The following LRRC8D variants were observed in gnomAD, a reference collection of about 807,000 sequenced individuals.
LRRC8D encodes the protein leucine rich repeat containing 8 VRAC subunit D, also known as volume-regulated anion channel subunit LRRC8D.
In LRRC8D, 20 loss-of-function variants were observed where a neutral mutation model predicts 55.8. That is an observed-to-expected ratio of 0.36 (90% confidence interval 0.25 to 0.52). LRRC8D has a LOEUF of 0.52. LRRC8D is among the 20% of genes least tolerant of loss of function. The pLI is 0.93. For missense variants in LRRC8D, 651 were observed against 1,030.8 expected (o/e 0.63, Z 5.05); for synonymous variants, 352 against 377.0 (o/e 0.93, Z 0.77).
At chr1:89,895,098 G>A (rs936941396) in intron 2 of LRRC8D, among the ~76,000 whole-genome samples, 2 of 151,994 alleles carry the variant, frequency 1.3e-5, no homozygotes, top group Non-Finnish European at 2.9e-5. Context: ...CTTGTCTGAG[G>A]ACAGACAGGT....
intron 2 of LRRC8D, among the ~76,000 whole-genome samples, chr1:89,892,452 T>G (rs954385647): frequency 1.3e-5 from 2 of 152,212 alleles, no homozygotes; most frequent in Non-Finnish European, 1.5e-5. Context: ...CGCTTGGCAT[T>G]ATTTAGCACT....
intron 2 of LRRC8D, among the ~76,000 whole-genome samples, chr1:89,872,386 G>A (rs1662031074): frequency 6.6e-6 from 1 of 152,214 alleles, no homozygotes. Flanking sequence ...GGAAAGCAAA[G>A]GCAGTTGGTT....
At chr1:89,834,154 T>C (rs1375251044) in intron 1 of LRRC8D, among the ~76,000 whole-genome samples, 1 of 152,198 alleles carries the variant, frequency 6.6e-6, no homozygotes, top group African/African-American at 2.4e-5. Flanking sequence ...ATTGTGAAAT[T>C]TTCTTTATAA....
intron 2 of LRRC8D, among the ~76,000 whole-genome samples, chr1:89,854,529 A>G (rs1661503137): frequency 6.6e-6 from 1 of 152,250 alleles, no homozygotes; most frequent in South Asian, 2.1e-4. Context: ...CAGACTTAAC[A>G]TTAGGGAACT....
At chr1:89,875,886 T>G (rs904558589) in intron 2 of LRRC8D, among the ~76,000 whole-genome samples, 3 of 152,212 alleles carry the variant, frequency 2.0e-5, no homozygotes, top group African/African-American at 7.2e-5. Context: ...TCACAGCTAA[T>G]AATGAATGAA....
intron 2 of LRRC8D, among the ~76,000 whole-genome samples, chr1:89,880,164 T>C (rs901425214): frequency 4.0e-5 from 6 of 151,056 alleles, no homozygotes; most frequent in African/African-American, 1.5e-4. Flanking sequence ...AAATTTGATA[T>C]AGATGTGTAA....
chr1:89,925,832 T>C (rs149007930), intron 2 of LRRC8D, among the ~76,000 whole-genome samples: 28 of 152,330 alleles, frequency 1.8e-4, no homozygotes, highest in Non-Finnish European at 3.2e-4. Context: ...TCAAGTCCTG[T>C]GGCTGACATT....
rs190517844 is a variant in LRRC8D, at chr1:89,827,245, G to T, written c.-148+5954G>T. Among the ~76,000 whole-genome samples, 526 of 151,772 alleles carry T rather than the reference G, an allele frequency of 3.5e-3. 1 individual carries two copies. The highest frequency in any genetic ancestry group is 0.011 in the African/African-American group (455 of 41,312). On this transcript the variant is annotated intron_variant, in intron 1 of 2. Coordinates refer to ENST00000337338, the MANE Select transcript of LRRC8D (RefSeq NM_001134479.2). Reference sequence around the variant, plus strand: ...GGTGCCTGTAATCCCAGCTACTCGGGAAGTTGAGGCAGGAGAATCACTTGA... The same window carrying T: ...GGTGCCTGTAATCCCAGCTACTCGGTAAGTTGAGGCAGGAGAATCACTTGA...
In LRRC8D at chr1:89,871,168, C is replaced by T. The variant is rs567518459; in HGVS notation, c.-3+27386C>T. On this transcript the variant is annotated intron_variant, in intron 2 of 2. Transcript: ENST00000337338. ...CCACTGCTAGAAGGTACAGACTCCC[C>T]GCATTTAGTATGATGACTATCTTTG... Among the ~76,000 whole-genome samples the T allele has an allele frequency of 1.1e-4, 16 of 152,276 alleles. No individual in the cohort carries two copies. In the South Asian group the frequency reaches 2.1e-3, roughly 20 times the overall value.
At chr1:89,907,617 G>A (rs554512428) in intron 2 of LRRC8D, among the ~76,000 whole-genome samples, 5 of 152,222 alleles carry the variant, frequency 3.3e-5, no homozygotes, top group African/African-American at 1.2e-4. Context: ...AAGGGACATT[G>A]ATCAATTTGT....
intron 2 of LRRC8D, among the ~76,000 whole-genome samples, chr1:89,915,766 G>A (rs922681636): frequency 6.6e-6 from 1 of 152,278 alleles, no homozygotes; most frequent in South Asian, 2.1e-4. Context: ...AAATGCAGTG[G>A]CACCCTTGAC....
Position 89,881,699 on chromosome 1 carries a change from A to AAGGCATGATCATGCCTTTTCTT in LRRC8D, c.-3+37926_-3+37947dup, listed in dbSNP as rs571079241. On this transcript the variant is annotated intron_variant, in intron 2 of 2. Coordinates refer to ENST00000337338, the MANE Select transcript of LRRC8D (RefSeq NM_001134479.2). Reference sequence around the variant, plus strand: ...GGGCTCAAGACATGAATGGCCTGAAAAGGCATGATCATGCCTTTTCTTAGG... The same window carrying AAGGCATGATCATGCCTTTTCTT: ...GGGCTCAAGACATGAATGGCCTGAAAAGGCATGATCATGCCTTTTCTTAGGCATGATCATGCCTTTTCTTAGG... 5.0e-4 allele frequency among the ~76,000 whole-genome samples: 76 copies of AAGGCATGATCATGCCTTTTCTT among 152,262 alleles called. 1 individual carries two copies. In the East Asian group the frequency reaches 0.014, roughly 28 times the overall value.
At chr1:89,853,458 A>G (rs1255613885) in intron 2 of LRRC8D, among the ~76,000 whole-genome samples, 1 of 152,226 alleles carries the variant, frequency 6.6e-6, no homozygotes, top group South Asian at 2.1e-4. Flanking sequence ...AGGGATGGCC[A>G]AAGGATCAAA....
intron 2 of LRRC8D, among the ~76,000 whole-genome samples, chr1:89,903,041 A>G (rs74098628): frequency 0.014 from 2,103 of 152,314 alleles, 50 homozygotes; most frequent in African/African-American, 0.048. Flanking sequence ...ACAACCTCTG[A>G]GGTGAGTGCT....
chr1:89,899,086 G>T (rs1488925308), intron 2 of LRRC8D, among the ~76,000 whole-genome samples: 1 of 152,218 alleles, frequency 6.6e-6, no homozygotes, highest in East Asian at 1.9e-4. Flanking sequence ...CATTCTGGCT[G>T]CATACTACAG....
intron 2 of LRRC8D, among the ~76,000 whole-genome samples, chr1:89,924,840 C>G: frequency 6.6e-6 from 1 of 152,094 alleles, no homozygotes. Flanking sequence ...CACATGTTCT[C>G]ACTTATAAGT....
At chr1:89,915,471 C>T (rs912716593) in intron 2 of LRRC8D, among the ~76,000 whole-genome samples, 7 of 152,144 alleles carry the variant, frequency 4.6e-5, no homozygotes, top group African/African-American at 1.7e-4. Flanking sequence ...ATGATCACAT[C>T]GTAGATAGAT....
chr1:89,909,648 T>C (rs2816846), intron 2 of LRRC8D, among the ~76,000 whole-genome samples: 41,767 of 151,630 alleles, frequency 0.28, 6,285 homozygotes, highest in African/African-American at 0.39. Flanking sequence ...GGGCGGATCA[T>C]GAGGTCAGGA....
At chr1:89,883,747 CAT>C (rs1440414259) in intron 2 of LRRC8D, among the ~76,000 whole-genome samples, 4 of 152,316 alleles carry the variant, frequency 2.6e-5, no homozygotes, top group African/African-American at 9.6e-5. Flanking sequence ...GTATAATTGA[CAT>C]ATTGATGATC....
Sources: gnomAD v4.1 joint callset for allele counts (sites outside exome capture counted in the v4.1 genomes callset) on GRCh38, gnomAD v4.1.1 for gene constraint, MANE v1.5 for transcripts, NCBI Gene and HGNC (gene_info 2026-07-23, HGNC 2026-07-21) for gene names.